The following PCDH15 variants were observed in gnomAD, a reference collection of about 807,000 sequenced individuals.
PCDH15 encodes the protein protocadherin related 15.
Under a neutral mutation model 178.5 loss-of-function variants are expected in PCDH15, and 129 were observed. That is an observed-to-expected ratio of 0.72 (90% CI 0.63 to 0.84). PCDH15 has a LOEUF of 0.84. Ranked by LOEUF, PCDH15 falls within the 40% of genes least tolerant of loss-of-function variation. The probability of loss-of-function intolerance (pLI) is 0.00; values close to 1 mark genes in which losing one functional copy is unlikely to be tolerated. For synonymous variants in PCDH15, 800 were observed against 732.0 expected (o/e 1.09, Z -1.50); for missense variants, 2,230 against 2,099.9 (o/e 1.06, Z -1.21).
intron 2 of PCDH15, among the ~76,000 whole-genome samples, chr10:54,642,853 C>G (rs1044377878): frequency 6.6e-6 from 1 of 152,036 alleles, no homozygotes; most frequent in African/African-American, 2.4e-5. Context: ...ATGACTTTGA[C>G]CCAAGTTTAT....
At chr10:54,842,771 C>T (rs1215061329) in intron 3 of PCDH15, among the ~76,000 whole-genome samples, 2 of 148,360 alleles carry the variant, frequency 1.3e-5, no homozygotes, top group Non-Finnish European at 2.9e-5. Flanking sequence ...ATAAAAAAAT[C>T]TCTAGGACAC....
chr10:54,555,400 G>C (rs2087087582), intron 2 of PCDH15, among the ~76,000 whole-genome samples: 1 of 151,986 alleles, frequency 6.6e-6, no homozygotes, highest in Non-Finnish European at 1.5e-5. Flanking sequence ...GCTAATTTAA[G>C]TGCTCTCTTG....
At chr10:55,062,860 T>C (rs1362174869) in intron 2 of PCDH15, among the ~76,000 whole-genome samples, 1 of 152,160 alleles carries the variant, frequency 6.6e-6, no homozygotes. Flanking sequence ...GAAATCTCTG[T>C]ACCTTCCTCT....
At chr10:54,106,327 T>C (rs1419083836) in intron 15 of PCDH15, among the ~76,000 whole-genome samples, 1 of 152,208 alleles carries the variant, frequency 6.6e-6, no homozygotes, top group African/African-American at 2.4e-5. Context: ...TCCACAGAGA[T>C]GATGGAGTTA....
intron 3 of PCDH15, among the ~76,000 whole-genome samples, chr10:54,443,047 G>T (rs567671600): frequency 1.3e-5 from 2 of 151,756 alleles, no homozygotes; most frequent in South Asian, 4.1e-4. Flanking sequence ...TGAGATGTGG[G>T]TGGCATAAAG....
intron 2 of PCDH15, among the ~76,000 whole-genome samples, chr10:54,931,343 A>C (rs1837771003): frequency 6.6e-6 from 1 of 152,212 alleles, no homozygotes; most frequent in Admixed American, 6.5e-5. Flanking sequence ...AAACTCAAAT[A>C]TGAAGTTAAC....
intron 28 of PCDH15, among the ~76,000 whole-genome samples, chr10:53,853,696 T>TG (rs2078543278): frequency 6.6e-6 from 1 of 151,752 alleles, no homozygotes; most frequent in Non-Finnish European, 1.5e-5. Flanking sequence ...ATCAGAGAAA[T>TG]CAAATCAAAT....
At chr10:54,961,427 G>C (rs994499233) in intron 2 of PCDH15, among the ~76,000 whole-genome samples, 1 of 152,186 alleles carries the variant, frequency 6.6e-6, no homozygotes, top group African/African-American at 2.4e-5. Flanking sequence ...TTTTAGGTGG[G>C]AATAGGCAGG....
chr10:54,167,829 C>CTG (rs2046407565), intron 13 of PCDH15, among the ~76,000 whole-genome samples: 1 of 151,774 alleles, frequency 6.6e-6, no homozygotes, highest in African/African-American at 2.4e-5. Context: ...TTCCATGCCC[C>CTG]AACCCCTTAT....
intron 2 of PCDH15, among the ~76,000 whole-genome samples, chr10:55,121,241 T>C (rs1837760634): frequency 6.6e-6 from 1 of 152,166 alleles, no homozygotes; most frequent in Non-Finnish European, 1.5e-5. Flanking sequence ...CTTGTTGGGT[T>C]TTAGACTTGG....
intron 2 of PCDH15, among the ~76,000 whole-genome samples, chr10:55,436,561 T>A (rs1025790248): frequency 2.0e-5 from 3 of 152,078 alleles, no homozygotes; most frequent in African/African-American, 7.2e-5. Context: ...TTACTGATTA[T>A]TTAGGAAAAT....
At chr10:53,898,315 G>T (rs1039033211) in intron 26 of PCDH15, among the ~76,000 whole-genome samples, 2 of 152,096 alleles carry the variant, frequency 1.3e-5, no homozygotes, top group Non-Finnish European at 2.9e-5. Flanking sequence ...GCACTTCTAT[G>T]AACATGGGTG....
At chr10:54,364,155 T>C (rs992240507) in intron 5 of PCDH15, among the ~76,000 whole-genome samples, 1 of 150,798 alleles carries the variant, frequency 6.6e-6, no homozygotes, top group Non-Finnish European at 1.5e-5. Flanking sequence ...GAGGTTGTGC[T>C]GAGCCAAGAT....
intron 2 of PCDH15, among the ~76,000 whole-genome samples, chr10:55,545,018 CT>C: frequency 6.6e-6 from 1 of 152,156 alleles, no homozygotes; most frequent in South Asian, 2.1e-4. Flanking sequence ...AGGTAGTATA[CT>C]TTTTTAAAGT....
At chr10:54,037,349 ATTG>A (rs1350217674) in intron 18 of PCDH15, among the ~76,000 whole-genome samples, 1 of 151,996 alleles carries the variant, frequency 6.6e-6, no homozygotes, top group African/African-American at 2.4e-5. Flanking sequence ...AGCACAATTC[ATTG>A]TTGTCTTATT....
rs1280955852 is a variant in PCDH15 at position 53,805,517 on chromosome 10, C to T, written c.*1062G>A. 2 of 151,986 alleles carry T rather than the reference C, an allele frequency of 1.3e-5. No homozygotes were observed. The highest frequency in any genetic ancestry group is 1.3e-4 in the Admixed American group (2 of 15,224). The allele number at this position is 151,986 out of a possible 1,614,324, so 9.4% of individuals were successfully genotyped here. A position where few individuals can be genotyped will look rare whatever the true frequency, so the allele number is the denominator to read the frequency against. ...TGATTTCCTGGTTCTGGATTTTAGG[C>T]ACATAAATATGTGCATTAAAATATT... On this transcript the variant is annotated 3_prime_UTR_variant, in exon 38 of 38. Coordinates refer to ENST00000644397, the MANE Select transcript of PCDH15 (RefSeq NM_001384140.1).
At chr10:54,918,175 C>A (rs1381427509) in intron 2 of PCDH15, among the ~76,000 whole-genome samples, 1 of 152,060 alleles carries the variant, frequency 6.6e-6, no homozygotes, top group Non-Finnish European at 1.5e-5. Context: ...CCATACGCTT[C>A]TATTAATTTT....
chr10:54,405,006 A>G (rs1178084415), intron 3 of PCDH15, among the ~76,000 whole-genome samples: 1 of 152,094 alleles, frequency 6.6e-6, no homozygotes, highest in Admixed American at 6.6e-5. Context: ...AAAATAGCAG[A>G]TGCCAGTGAG....
Position 55,588,370 on chromosome 10 carries a change from T to C in PCDH15, c.-156+39255A>G, listed in dbSNP as rs866087694. On this transcript the variant is annotated intron_variant, in intron 2 of 5. Transcript: ENST00000613346. ...TTTTACTGTTCAAAGCTGACATTAA[T>C]TCAAAGCTACCAAGTATTATAGATG... 2.5e-4 allele frequency among the ~76,000 whole-genome samples: 38 copies of C among 152,200 alleles called. 1 individual carries two copies. Among genetic ancestry groups the C allele is most frequent in the African/African-American group, 7.5e-4 (31 of 41,458 alleles).
Sources: allele counts gnomAD v4.1 joint callset (sites outside exome capture counted in the v4.1 genomes callset), GRCh38; gene constraint gnomAD v4.1.1; transcripts MANE v1.5; gene names NCBI Gene and HGNC (gene_info 2026-07-23, HGNC 2026-07-21).